The following ACVR1C variants were observed in gnomAD, a reference collection of about 807,000 sequenced individuals.
ACVR1C encodes the protein activin receptor type-1C.
Under a neutral mutation model 57.9 loss-of-function variants are expected in ACVR1C, and 23 were observed. The ratio of observed to expected loss-of-function variants is 0.40; its 90% CI spans 0.29 to 0.56. The LOEUF is 0.56. Ranked by LOEUF, ACVR1C falls within the 20% of genes least tolerant of loss-of-function variation. The pLI, the probability that ACVR1C is intolerant of heterozygous loss-of-function variation, is 0.50. For missense variants in ACVR1C, 480 were observed against 607.9 expected, an observed-to-expected ratio of 0.79 and a Z score of 2.21; for synonymous variants, 214 against 215.3, an observed-to-expected ratio of 0.99 and a Z score of 0.05.
At chr2:157,611,110 T>C (rs755923550) in intron 1 of ACVR1C, among the ~76,000 whole-genome samples, 48 of 152,200 alleles carry the variant, frequency 3.2e-4, no homozygotes, top group Admixed American at 3.3e-4. Context: ...GTTTCTTGTG[T>C]TCTTACATTG....
At chr2:157,592,589 T>G (rs981297800) in intron 1 of ACVR1C, among the ~76,000 whole-genome samples, 2 of 152,050 alleles carry the variant, frequency 1.3e-5, no homozygotes, top group Non-Finnish European at 2.9e-5. Flanking sequence ...GCAAACTAAA[T>G]AGGACCTAAG....
At chr2:157,550,137 T>C (rs768467262) in intron 4 of ACVR1C, 25 bp downstream of exon 4, 1 of 1,607,278 alleles carries the variant, frequency 6.2e-7, no homozygotes, top group Non-Finnish European at 8.5e-7. Context: ...TTTTTACTTG[T>C]TGAACACAAT....
chr2:157,556,038 T>G (rs182455895), intron 3 of ACVR1C, 55 bp downstream of exon 3: 5 of 1,542,814 alleles, frequency 3.2e-6, no homozygotes, highest in Admixed American at 4.1e-5. Context: ...AGTTTTTATT[T>G]ACTTTTAAAT....
rs1204762926 is a variant in ACVR1C, at chr2:157,620,901, T to C, written c.73+7671A>G. ...AAAGGTATAAGGTGCTTAATCAATATGCAGAGATGTAGCATCCATCCCTGT... is the reference window on the plus strand; with the variant it reads ...AAAGGTATAAGGTGCTTAATCAATACGCAGAGATGTAGCATCCATCCCTGT... On this transcript the variant is annotated intron_variant, in intron 1 of 8. Coordinates refer to ENST00000243349, the MANE Select transcript of ACVR1C (RefSeq NM_145259.3). Among the ~76,000 whole-genome samples, 4 of 152,268 alleles carry C rather than the reference T, an allele frequency of 2.6e-5. No individual in the cohort carries two copies. In the South Asian group the frequency reaches 8.3e-4, roughly 32 times the overall value.
At chr2:157,587,054 A>G in intron 2 of ACVR1C, 133 bp downstream of exon 2, 3 of 830,408 alleles carry the variant, frequency 3.6e-6, no homozygotes, top group Non-Finnish European at 5.5e-6. Flanking sequence ...GAATTTTACC[A>G]GCCAAAATCA....
rs1046978853 is a variant in ACVR1C, at chr2:157,532,390, T to A, written c.*1528A>T. On this transcript the variant is annotated 3_prime_UTR_variant, in exon 9 of 9. Coordinates refer to ENST00000243349, the MANE Select transcript of ACVR1C (RefSeq NM_145259.3). ...TGTTATTAGTTTTTTTTTTTTTTTT[T>A]ACTGTTATCAATAGCATTTACTTCA... is the stretch of plus-strand genomic sequence containing the variant. The A allele has an allele frequency of 6.6e-6, 1 of 151,308 alleles. No individual in the cohort carries two copies. Among genetic ancestry groups the A allele is most frequent in the Non-Finnish European group, 1.5e-5 (1 of 67,784 alleles). The allele number at this position is 151,308 out of a possible 1,614,324, so 9.4% of individuals were successfully genotyped here.
At chr2:157,592,097 T>C (rs1480779363) in intron 1 of ACVR1C, among the ~76,000 whole-genome samples, 6 of 152,132 alleles carry the variant, frequency 3.9e-5, no homozygotes, top group African/African-American at 1.4e-4. Flanking sequence ...TAAAACACAG[T>C]TGGTATTTTT....
intron 1 of ACVR1C, chr2:157,597,516 G>T (rs1211097053): frequency 3.0e-6 from 3 of 985,320 alleles, no homozygotes; most frequent in Non-Finnish European, 3.6e-6. Context: ...CGGCCCCGAC[G>T]ACAGCTCCCG....
At chr2:157,573,199 G>A (rs776762117) in intron 2 of ACVR1C, among the ~76,000 whole-genome samples, 1 of 152,038 alleles carries the variant, frequency 6.6e-6, no homozygotes. Context: ...CAAACCTTTG[G>A]TTTGGTTTAA....
At chr2:157,573,037 A>G (rs1224372406) in intron 2 of ACVR1C, among the ~76,000 whole-genome samples, 1 of 152,214 alleles carries the variant, frequency 6.6e-6, no homozygotes, top group Admixed American at 6.5e-5. Flanking sequence ...TGGGTCTTTT[A>G]AGAGGAACGA....
chr2:157,558,292 T>C (rs1006791813), intron 2 of ACVR1C, among the ~76,000 whole-genome samples: 1 of 152,198 alleles, frequency 6.6e-6, no homozygotes, highest in South Asian at 2.1e-4. Context: ...TCTAAACAAA[T>C]TGCAATGATA....
At chr2:157,579,769 AT>A (rs1287063353) in intron 2 of ACVR1C, among the ~76,000 whole-genome samples, 1 of 152,124 alleles carries the variant, frequency 6.6e-6, no homozygotes, top group Non-Finnish European at 1.5e-5. Flanking sequence ...CTACTTCCAG[AT>A]TTCTTGTCAT....
At chr2:157,547,772 T>G (rs62176681) in intron 4 of ACVR1C, among the ~76,000 whole-genome samples, 11,086 of 151,292 alleles carry the variant, frequency 0.073, 577 homozygotes, top group East Asian at 0.26. Flanking sequence ...GTAGGTTGCC[T>G]GTTCACTCTG....
At chr2:157,538,774 A>G in intron 7 of ACVR1C, 71 bp from the exon 8 acceptor site, 1 of 1,311,186 alleles carries the variant, frequency 7.6e-7, no homozygotes, top group Admixed American at 3.0e-5. Flanking sequence ...AAATAATACC[A>G]ATTAAGTTTT....
intron 4 of ACVR1C, among the ~76,000 whole-genome samples, chr2:157,549,829 C>CAAAAA (rs1173469291): frequency 8.4e-5 from 4 of 47,542 alleles, no homozygotes; most frequent in East Asian, 4.0e-4. Context: ...ACTAAAAATA[C>CAAAAA]AAAAAAAAAA....
At chr2:157,539,754 A>G (rs999139935) in intron 7 of ACVR1C, among the ~76,000 whole-genome samples, 1 of 152,230 alleles carries the variant, frequency 6.6e-6, no homozygotes, top group Non-Finnish European at 1.5e-5. Context: ...TTGTTCAGAG[A>G]CATAGAGCTA....
chr2:157,578,901 T>G (rs1249821004), intron 2 of ACVR1C, among the ~76,000 whole-genome samples: 1 of 152,234 alleles, frequency 6.6e-6, no homozygotes. Context: ...CTGAATTTAA[T>G]GTTAATCTCT....
chr2:157,545,284 C>T (rs1687724666), intron 4 of ACVR1C, among the ~76,000 whole-genome samples: 1 of 152,162 alleles, frequency 6.6e-6, no homozygotes, highest in Non-Finnish European at 1.5e-5. Context: ...AATGAAATGT[C>T]TACAGTAACC....
At chr2:157,598,963 G>A (rs1006536567) in intron 1 of ACVR1C, among the ~76,000 whole-genome samples, 26 of 152,062 alleles carry the variant, frequency 1.7e-4, no homozygotes, top group Non-Finnish European at 2.9e-5. Flanking sequence ...TACTCCACAT[G>A]GAAATGTTGT....
Sources: allele counts gnomAD v4.1 joint callset (sites outside exome capture counted in the v4.1 genomes callset), GRCh38; gene constraint gnomAD v4.1.1; transcripts MANE v1.5; gene names NCBI Gene and HGNC (gene_info 2026-07-23, HGNC 2026-07-21).